Variants in APBA2 observed in about 807,000 individuals in gnomAD.
APBA2 encodes the protein amyloid-beta A4 precursor protein-binding family A member 2.
A neutral mutation model predicts 75.0 loss-of-function variants in APBA2; 30 were observed. The ratio of observed to expected loss-of-function variants is 0.40; its 90% CI spans 0.30 to 0.54. APBA2 has a LOEUF of 0.54. APBA2 is among the 20% of genes least tolerant of loss of function. APBA2 has a pLI of 0.49. For synonymous variants in APBA2, 444 were observed against 409.6 expected, an observed-to-expected ratio of 1.08 and a Z score of -1.01; for missense variants, 801 against 1,016.1, an observed-to-expected ratio of 0.79 and a Z score of 2.88.
chr15:29,034,814 C>T (rs779596990), intron 3 of APBA2, among the ~76,000 whole-genome samples: 5 of 152,110 alleles, frequency 3.3e-5, no homozygotes, highest in Non-Finnish European at 7.3e-5. Context: ...TGGGGGAGGG[C>T]CCAAGAGTTT....
chr15:28,938,473 T>C (rs2035002814), intron 2 of APBA2, among the ~76,000 whole-genome samples: 1 of 152,234 alleles, frequency 6.6e-6, no homozygotes, highest in Admixed American at 6.5e-5. Flanking sequence ...TTTATACACA[T>C]ATCATAGTTA....
At chr15:29,114,835 A>G (rs956389078) in intron 14 of APBA2, among the ~76,000 whole-genome samples, 1 of 142,930 alleles carries the variant, frequency 7.0e-6, no homozygotes, top group Non-Finnish European at 1.5e-5. Context: ...TGTGTGTGTG[A>G]GAGCATGGGG....
At chr15:29,031,116 C>T (rs1180537994) in intron 3 of APBA2, among the ~76,000 whole-genome samples, 1 of 152,028 alleles carries the variant, frequency 6.6e-6, no homozygotes, top group African/African-American at 2.4e-5. Context: ...TTTTCCTATA[C>T]TTTTATTTTT....
chr15:28,970,873 G>A (rs2037028915), intron 2 of APBA2, among the ~76,000 whole-genome samples: 1 of 152,060 alleles, frequency 6.6e-6, no homozygotes, highest in Non-Finnish European at 1.5e-5. Context: ...GCCGCTCTTT[G>A]CCATGCACAC....
At chr15:28,929,919 G>A (rs2152686238) in intron 2 of APBA2, among the ~76,000 whole-genome samples, 1 of 152,306 alleles carries the variant, frequency 6.6e-6, no homozygotes, top group South Asian at 2.1e-4. Flanking sequence ...CACAGTTCTT[G>A]TATGAGGAAG....
chr15:29,044,646 G>C (rs1444494254), intron 3 of APBA2, among the ~76,000 whole-genome samples: 1 of 152,156 alleles, frequency 6.6e-6, no homozygotes, highest in Non-Finnish European at 1.5e-5. Context: ...GATTGACACT[G>C]TATGCAGCAA....
chr15:29,064,019 G>T (rs1457478331), intron 4 of APBA2, among the ~76,000 whole-genome samples: 1 of 152,150 alleles, frequency 6.6e-6, no homozygotes, highest in African/African-American at 2.4e-5. Flanking sequence ...CTTGTGCCCT[G>T]CTGGAGAAGT....
At chr15:28,963,338 G>T (rs2036573249) in intron 2 of APBA2, among the ~76,000 whole-genome samples, 1 of 152,196 alleles carries the variant, frequency 6.6e-6, no homozygotes, top group Non-Finnish European at 1.5e-5. Flanking sequence ...GCCCGGCAGG[G>T]GCATTGTTGA....
At chr15:28,999,041 G>A (rs1307267792) in intron 3 of APBA2, among the ~76,000 whole-genome samples, 2 of 151,942 alleles carry the variant, frequency 1.3e-5, no homozygotes, top group Admixed American at 6.5e-5. Context: ...CCAGCTACTC[G>A]GGAGGCTGAG....
intron 2 of APBA2, among the ~76,000 whole-genome samples, chr15:28,992,650 T>C (rs2038296493): frequency 6.6e-6 from 1 of 152,162 alleles, no homozygotes; most frequent in Non-Finnish European, 1.5e-5. Flanking sequence ...TCTGGGCTAG[T>C]CTAGGCAAGG....
intron 3 of APBA2, among the ~76,000 whole-genome samples, chr15:29,039,398 T>C (rs1422691696): frequency 6.6e-6 from 1 of 152,060 alleles, no homozygotes; most frequent in Non-Finnish European, 1.5e-5. Flanking sequence ...GGCATCCAGC[T>C]CCCCATCAGA....
At chr15:28,904,183 A>G (rs984571803) in intron 1 of APBA2, among the ~76,000 whole-genome samples, 1 of 152,122 alleles carries the variant, frequency 6.6e-6, no homozygotes, top group Non-Finnish European at 1.5e-5. Context: ...AAGCTTTGAG[A>G]TACCAGACTC....
chr15:28,921,943 T>C (rs1181068148), intron 2 of APBA2, among the ~76,000 whole-genome samples, 194 bp downstream of exon 2: 1 of 152,214 alleles, frequency 6.6e-6, no homozygotes, highest in Non-Finnish European at 1.5e-5. Flanking sequence ...TACGCTTACA[T>C]TTATTTTGAG....
intron 12 of APBA2, 135 bp downstream of exon 12, chr15:29,106,954 G>A (rs949171328): frequency 2.4e-5 from 19 of 784,424 alleles, no homozygotes; most frequent in African/African-American, 1.4e-4. Context: ...AGACCCACCC[G>A]GTGACTGGTC....
At chr15:28,892,465 G>A (rs924444924) in intron 1 of APBA2, among the ~76,000 whole-genome samples, 5 of 152,148 alleles carry the variant, frequency 3.3e-5, no homozygotes, top group East Asian at 1.9e-4. Flanking sequence ...ATTCAGCGTG[G>A]TAACATGCTG....
rs776127947 is a variant in APBA2 at position 28,991,666 on chromosome 15, G to A, written c.-94-4087G>A. 1.1e-4 allele frequency among the ~76,000 whole-genome samples: 17 copies of A among 152,128 alleles called. No homozygotes were observed. The highest frequency in any genetic ancestry group is 2.2e-4 in the Non-Finnish European group (15 of 68,018). On this transcript the variant is annotated intron_variant, in intron 2 of 14. Coordinates refer to ENST00000683413, the MANE Select transcript of APBA2 (RefSeq NM_001353788.2). This position sits in a 1 kb window ranked among gnomAD's most constrained non-coding sequence, Gnocchi z 4.7. ...GGCTGGTACCAGGAGGAGCCAGGTC[G>A]AGCTGGCACTGGGGCGACGCTCTGT...
At chr15:28,919,212 C>A (rs1051979273) in intron 1 of APBA2, among the ~76,000 whole-genome samples, 1 of 152,142 alleles carries the variant, frequency 6.6e-6, no homozygotes. Context: ...TCCTTGCGAA[C>A]CTTTTACCTG....
intron 2 of APBA2, among the ~76,000 whole-genome samples, chr15:28,986,538 G>A (rs1249686945): frequency 1.3e-5 from 2 of 152,110 alleles, no homozygotes; most frequent in Non-Finnish European, 2.9e-5. Context: ...TCCCTCTGTT[G>A]TCCAAGCTGA....
intron 10 of APBA2, among the ~76,000 whole-genome samples, chr15:29,104,188 C>T (rs2044282309): frequency 6.6e-6 from 1 of 152,198 alleles, no homozygotes; most frequent in Admixed American, 6.5e-5. Context: ...TTGTTTTCAC[C>T]TGTTTTGGGA....
Sources: allele counts gnomAD v4.1 joint callset (sites outside exome capture counted in the v4.1 genomes callset), GRCh38; gene constraint gnomAD v4.1.1; non-coding constraint Gnocchi (gnomAD v3.1); transcripts MANE v1.5; gene names NCBI Gene and HGNC (gene_info 2026-07-23, HGNC 2026-07-21).